The following CCDC186 variants were observed in gnomAD, a reference collection of about 807,000 sequenced individuals.
CCDC186 encodes coiled-coil domain containing 186, also known as coiled-coil domain-containing protein 186.
In CCDC186, 49 loss-of-function variants were observed where a neutral mutation model predicts 113.7. The ratio of observed to expected loss-of-function variants is 0.43; its 90% CI spans 0.34 to 0.55. The LOEUF is 0.55. Ranked by LOEUF, CCDC186 falls within the 20% of genes least tolerant of loss-of-function variation. CCDC186 has a pLI of 0.02. For synonymous variants in CCDC186, 355 were observed against 345.8 expected, an observed-to-expected ratio of 1.03 and a Z score of -0.30; for missense variants, 890 against 1,011.1, an observed-to-expected ratio of 0.88 and a Z score of 1.62.
In CCDC186 at chr10:114,165,943, G is replaced by A. The variant is rs1032789394; in HGVS notation, c.-61-2614C>T. ...TGGGAACAGCTTCAACTTTTCTTCA[G>A]AGAAAACAATGAGTTTGTGACTTCA... On this transcript the variant is annotated intron_variant, in intron 1 of 15. Transcript: ENST00000369287. 4 of 983,834 alleles carry A rather than the reference G, an allele frequency of 4.1e-6. No homozygotes were observed. In the African/African-American group the frequency reaches 7.1e-5, roughly 17 times the overall value. The allele number at this position is 983,834 out of a possible 1,614,324, so 60.9% of individuals were successfully genotyped here. A position where few individuals can be genotyped will look rare whatever the true frequency, so the allele number is the denominator to read the frequency against.
intron 4 of CCDC186, among the ~76,000 whole-genome samples, chr10:114,150,199 T>C (rs899093801): frequency 6.6e-6 from 1 of 152,192 alleles, no homozygotes; most frequent in African/African-American, 2.4e-5. Flanking sequence ...ATTCAATTCA[T>C]TGTGAAGACT....
chr10:114,162,560 T>C, intron 2 of CCDC186, 77 bp downstream of exon 2: 1 of 1,111,804 alleles, frequency 9.0e-7, no homozygotes, highest in Non-Finnish European at 1.2e-6. Flanking sequence ...AAAATGGTAT[T>C]TTCCTTTAAA....
chr10:114,164,039 C>G (rs1290680737), intron 1 of CCDC186, among the ~76,000 whole-genome samples: 2 of 135,184 alleles, frequency 1.5e-5, no homozygotes, highest in Non-Finnish European at 1.5e-5. Context: ...TCAATAAAAG[C>G]AACTTTATTA....
intron 10 of CCDC186, among the ~76,000 whole-genome samples, chr10:114,134,151 C>T (rs1276822943): frequency 1.3e-5 from 2 of 152,126 alleles, no homozygotes; most frequent in East Asian, 3.9e-4. Context: ...GGACTGATGG[C>T]AAAACGTTGA....
intron 9 of CCDC186, among the ~76,000 whole-genome samples, chr10:114,135,279 T>C (rs765343175): frequency 6.6e-6 from 1 of 151,996 alleles, no homozygotes; most frequent in African/African-American, 2.4e-5. Context: ...CACCATCTCC[T>C]CACCTGAAAA....
chr10:114,129,954 G>C lies in CCDC186; in HGVS notation c.2119C>G (p.Gln707Glu). ...QLQQARRKLD[Q>E]VESGSYDKEV... ...TTGTCATAGCTTCCACTCTCAACCT[G>C]ATCTAATTTTCTTCGTGCTATAGGA... Residue 707 changes from glutamine to glutamate, a missense_variant, in exon 13 of 16, where the codon CAG becomes GAG. Transcript: ENST00000369287. 1 of 1,612,988 alleles carries C rather than the reference G, an allele frequency of 6.2e-7. No individual in the cohort carries two copies. The highest frequency in any genetic ancestry group is 8.5e-7 in the Non-Finnish European group (1 of 1,179,422).
rs371261366 is a variant in CCDC186, at chr10:114,141,628, A to AAC, written c.1221+2867_1221+2868dup. 1.3e-3 allele frequency among the ~76,000 whole-genome samples: 195 copies of AAC among 150,576 alleles called. 4 individuals are homozygous for AAC. Among genetic ancestry groups the AAC allele is most frequent in the South Asian group, 3.1e-3 (15 of 4,766 alleles). On this transcript the variant is annotated intron_variant, in intron 6 of 15. Transcript: ENST00000369287. Reference sequence around the variant, plus strand: ...CCCCTCCTCTGTAGTTTCCTCTCTTAACACACACACACACACGCACGCACA... The same window carrying AAC: ...CCCCTCCTCTGTAGTTTCCTCTCTTAACACACACACACACACACGCACGCACA...
At chr10:114,166,076 C>T (rs1038600129) in intron 1 of CCDC186, among the ~76,000 whole-genome samples, 1 of 151,976 alleles carries the variant, frequency 6.6e-6, no homozygotes, top group African/African-American at 2.4e-5. Context: ...TAAAGGACTG[C>T]ACTGCAGAGG....
intron 7 of CCDC186, among the ~76,000 whole-genome samples, chr10:114,136,509 T>C (rs1315480716): frequency 6.6e-6 from 1 of 152,214 alleles, no homozygotes; most frequent in Non-Finnish European, 1.5e-5. Context: ...TTTTTCTAAA[T>C]AGGAAATGGG....
intron 1 of CCDC186, among the ~76,000 whole-genome samples, chr10:114,164,112 ATATTTT>A (rs2032263907): frequency 1.6e-4 from 17 of 103,386 alleles, no homozygotes; most frequent in African/African-American, 6.4e-4. Context: ...GTATATATAT[ATATTTT>A]TTTTTTTTTT....
intron 2 of CCDC186, among the ~76,000 whole-genome samples, chr10:114,158,958 A>G (rs2032086522): frequency 6.6e-6 from 1 of 152,212 alleles, no homozygotes; most frequent in African/African-American, 2.4e-5. Context: ...GGGATAAAAT[A>G]AAAATGGACC....
At chr10:114,141,640 C>G (rs965709424) in intron 6 of CCDC186, among the ~76,000 whole-genome samples, 2 of 152,050 alleles carry the variant, frequency 1.3e-5, no homozygotes, top group Admixed American at 1.3e-4. Flanking sequence ...CACACACACA[C>G]ACACGCACGC....
In CCDC186 at chr10:114,122,312, T is replaced by C. The variant is rs1462038263; in HGVS notation, c.*2831A>G. The C allele has an allele frequency of 1.3e-5, 2 of 152,122 alleles. No individual in the cohort carries two copies. The highest frequency in any genetic ancestry group is 2.4e-5 in the African/African-American group (1 of 41,418). 9.4% of individuals were successfully genotyped at this position (152,122 alleles called of 1,614,324 possible). On this transcript the variant is annotated 3_prime_UTR_variant, in exon 16 of 16. Coordinates refer to ENST00000369287, the MANE Select transcript of CCDC186 (RefSeq NM_018017.4). ...AAATCGCTTTAAATGGTTATGAAGATAGAAAGTAAAAACAAAAAAACCCCA... is the reference window on the plus strand; with the variant it reads ...AAATCGCTTTAAATGGTTATGAAGACAGAAAGTAAAAACAAAAAAACCCCA...
At chr10:114,130,329 GAA>G (rs1296349497) in intron 12 of CCDC186, 9 of 166,628 alleles carry the variant, frequency 5.4e-5, no homozygotes, top group Non-Finnish European at 1.3e-5. Context: ...GCAAATATCT[GAA>G]TATATTTGTA....
At chr10:114,169,234 C>A (rs199537508) in intron 1 of CCDC186, among the ~76,000 whole-genome samples, 1 of 97,508 alleles carries the variant, frequency 1.0e-5, no homozygotes. Context: ...TAGTACCATT[C>A]TTTTTTTTTT....
intron 3 of CCDC186, among the ~76,000 whole-genome samples, chr10:114,157,062 T>C (rs1319257802): frequency 2.0e-5 from 3 of 151,992 alleles, no homozygotes; most frequent in Non-Finnish European, 4.4e-5. Flanking sequence ...TAAAAGGAAA[T>C]ACATCAGGCT....
chr10:114,143,247 C>T (rs1357667799), intron 6 of CCDC186, among the ~76,000 whole-genome samples: 2 of 152,190 alleles, frequency 1.3e-5, no homozygotes, highest in African/African-American at 4.8e-5. Context: ...TTACACAGAT[C>T]TGTAACAGTT....
chr10:114,152,022 T>C (rs951307583), intron 3 of CCDC186, among the ~76,000 whole-genome samples: 5 of 152,182 alleles, frequency 3.3e-5, no homozygotes, highest in Non-Finnish European at 7.4e-5. Flanking sequence ...TCAAAAGTTA[T>C]GGCCACACTG....
chr10:114,169,906 T>C (rs1209523595), intron 1 of CCDC186, among the ~76,000 whole-genome samples: 4 of 152,170 alleles, frequency 2.6e-5, no homozygotes, highest in African/African-American at 9.7e-5. Context: ...TACTTATTTA[T>C]TTATGTGTAG....
Sources: allele counts gnomAD v4.1 joint callset (sites outside exome capture counted in the v4.1 genomes callset), GRCh38; gene constraint gnomAD v4.1.1; transcripts MANE v1.5; gene names NCBI Gene and HGNC (gene_info 2026-07-23, HGNC 2026-07-21).